Variants in ATF6 observed in about 807,000 individuals in gnomAD.
ATF6 encodes activating transcription factor 6.
A neutral mutation model predicts 83.6 loss-of-function variants in ATF6; 53 were observed. The ratio of observed to expected loss-of-function variants is 0.63; its 90% CI spans 0.51 to 0.80. ATF6 has a LOEUF of 0.80. ATF6 is among the 30% of genes least tolerant of loss of function. The pLI is 0.00. For missense variants in ATF6, 744 were observed against 797.9 expected (o/e 0.93, Z 0.81); for synonymous variants, 288 against 285.8 (o/e 1.01, Z -0.08).
intron 1 of ATF6, among the ~76,000 whole-genome samples, chr1:161,768,571 T>G (rs772531481): frequency 6.6e-6 from 1 of 152,116 alleles, no homozygotes; most frequent in Non-Finnish European, 1.5e-5. Flanking sequence ...TTGTTGTTGT[T>G]GTTTCTTTTA....
intron 9 of ATF6, among the ~76,000 whole-genome samples, chr1:161,825,444 T>C (rs566811372): frequency 1.3e-5 from 2 of 152,316 alleles, no homozygotes; most frequent in East Asian, 3.9e-4. Flanking sequence ...CAGTTGCAAG[T>C]CCCAGGTTGT....
intron 14 of ATF6, among the ~76,000 whole-genome samples, chr1:161,902,941 G>A (rs756886971): frequency 3.9e-5 from 6 of 152,196 alleles, no homozygotes; most frequent in African/African-American, 7.2e-5. Context: ...AGTGGGAGCA[G>A]GTAAAGGTGT....
chr1:161,888,943 A>G (rs2101866800), intron 14 of ATF6, among the ~76,000 whole-genome samples: 1 of 152,206 alleles, frequency 6.6e-6, no homozygotes, highest in African/African-American at 2.4e-5. Flanking sequence ...TATTTCCCCA[A>G]TACCTCCACC....
At chr1:161,809,767 T>C (rs1443931672) in intron 7 of ATF6, among the ~76,000 whole-genome samples, 1 of 152,248 alleles carries the variant, frequency 6.6e-6, no homozygotes, top group Non-Finnish European at 1.5e-5. Flanking sequence ...ATTGTGGTTT[T>C]GATTTGCATT....
At chr1:161,905,619 T>C (rs1432744333) in intron 14 of ATF6, among the ~76,000 whole-genome samples, 1 of 152,198 alleles carries the variant, frequency 6.6e-6, no homozygotes, top group Non-Finnish European at 1.5e-5. Flanking sequence ...TCTTTATGCA[T>C]TTAGTGTTTG....
chr1:161,949,605 G>A (rs1688822025), intron 15 of ATF6, among the ~76,000 whole-genome samples: 2 of 152,214 alleles, frequency 1.3e-5, no homozygotes, highest in Admixed American at 6.5e-5. Context: ...ATCTGCTTCT[G>A]GTGAGGGCCT....
rs764173088 is a variant in ATF6 at position 161,766,354 on chromosome 1, T to G, written c.-7T>G. 6.2e-7 allele frequency: 1 copy of G among 1,613,154 alleles called. No homozygotes were observed. The highest frequency in any genetic ancestry group is 1.7e-5 in the Admixed American group (1 of 59,854). ...TCACGGAGTTCCAGGGAGAAGGAACTTGTGAAATGGGGGAGCCGGCTGGGG... is the reference window on the plus strand; with the variant it reads ...TCACGGAGTTCCAGGGAGAAGGAACGTGTGAAATGGGGGAGCCGGCTGGGG... On this transcript the variant is annotated 5_prime_UTR_variant, in exon 1 of 16. Coordinates refer to ENST00000367942, the MANE Select transcript of ATF6 (RefSeq NM_007348.4).
chr1:161,928,006 C>G (rs1013805572), intron 15 of ATF6, among the ~76,000 whole-genome samples: 1 of 152,094 alleles, frequency 6.6e-6, no homozygotes, highest in Non-Finnish European at 1.5e-5. Flanking sequence ...CATTCAGGTT[C>G]AGCTCCCCTT....
At chr1:161,849,017 C>G (rs182564903) in intron 10 of ATF6, among the ~76,000 whole-genome samples, 1 of 151,624 alleles carries the variant, frequency 6.6e-6, no homozygotes, top group Admixed American at 6.6e-5. Flanking sequence ...TACTAGAGTT[C>G]AGATCACAAA....
chr1:161,920,292 C>CTTTTTTTTTTTTTTTTTTT (rs1322896918), intron 15 of ATF6, among the ~76,000 whole-genome samples: 3 of 19,798 alleles, frequency 1.5e-4, no homozygotes, highest in East Asian at 9.3e-4. Context: ...CTCTCTCTCT[C>CTTTTTTTTTTTTTTTTTTT]TCTTTTTTTT....
rs936521678 is a variant in ATF6 at position 161,959,610 on chromosome 1, C to T, written c.*956C>T. ...GCGTGAACCCGGGAGGCGGAGCTTG[C>T]AGTGAGCCGAGATCCCGCCACTGCA... On this transcript the variant is annotated 3_prime_UTR_variant, in exon 16 of 16. Transcript: ENST00000367942. 7.0e-6 allele frequency: 1 copy of T among 141,930 alleles called. No individual in the cohort carries two copies. Among genetic ancestry groups the T allele is most frequent in the Non-Finnish European group, 1.5e-5 (1 of 66,904 alleles). The allele number at this position is 141,930 out of a possible 1,614,324, so 8.8% of individuals were successfully genotyped here. A position where few individuals can be genotyped will look rare whatever the true frequency, so the allele number is the denominator to read the frequency against.
intron 9 of ATF6, among the ~76,000 whole-genome samples, chr1:161,842,261 T>G (rs1686375053): frequency 6.6e-6 from 1 of 152,138 alleles, no homozygotes; most frequent in South Asian, 2.1e-4. Flanking sequence ...CAAACATTGG[T>G]AAAGTCACCT....
At chr1:161,909,692 C>T (rs183268784) in intron 14 of ATF6, among the ~76,000 whole-genome samples, 131 of 152,194 alleles carry the variant, frequency 8.6e-4, no homozygotes, top group African/African-American at 3.0e-3. Context: ...CACAGAGGCT[C>T]ACACCTGTAA....
chr1:161,919,307 A>G (rs922359646), intron 15 of ATF6, among the ~76,000 whole-genome samples: 8 of 152,158 alleles, frequency 5.3e-5, no homozygotes, highest in African/African-American at 1.9e-4. Context: ...GGTTGGTGGA[A>G]CAGTGGATGA....
chr1:161,801,359 C>CTTTTTTT (rs1170991022), intron 6 of ATF6, among the ~76,000 whole-genome samples: 4 of 95,288 alleles, frequency 4.2e-5, no homozygotes, highest in Admixed American at 1.1e-4. Context: ...TATTTGTAGT[C>CTTTTTTT]TTTTTTTTTT....
intron 4 of ATF6, among the ~76,000 whole-genome samples, chr1:161,785,162 G>T (rs897495700): frequency 3.3e-5 from 5 of 152,144 alleles, no homozygotes; most frequent in Non-Finnish European, 5.9e-5. Flanking sequence ...GCTGTGCCAG[G>T]CACTGTTCCA....
chr1:161,888,877 C>T (rs1309225696), intron 14 of ATF6, among the ~76,000 whole-genome samples: 2 of 152,110 alleles, frequency 1.3e-5, no homozygotes, highest in Non-Finnish European at 2.9e-5. Flanking sequence ...TGGTCCATAC[C>T]TCTCCTGCCT....
chr1:161,876,998 TAAAAC>T (rs1014460919), intron 14 of ATF6, among the ~76,000 whole-genome samples: 1 of 152,076 alleles, frequency 6.6e-6, no homozygotes, highest in Non-Finnish European at 1.5e-5. Flanking sequence ...AATAATATTA[TAAAAC>T]AAAACAAAGT....
At chr1:161,786,686 C>T (rs12040648) in intron 4 of ATF6, among the ~76,000 whole-genome samples, 14,720 of 152,126 alleles carry the variant, frequency 0.097, 1,273 homozygotes, top group East Asian at 0.31. Flanking sequence ...GTTACCAGTC[C>T]GATGCCCCTA....
Sources: gnomAD v4.1 joint callset for allele counts (sites outside exome capture counted in the v4.1 genomes callset) on GRCh38, gnomAD v4.1.1 for gene constraint, MANE v1.5 for transcripts, NCBI Gene and HGNC (gene_info 2026-07-23, HGNC 2026-07-21) for gene names.